Variants in SHTN1 observed in about 807,000 individuals in gnomAD.
SHTN1 encodes the protein shootin-1.
A neutral mutation model predicts 83.1 loss-of-function variants in SHTN1; 42 were observed. That is an observed-to-expected ratio of 0.51 (90% CI 0.39 to 0.65). SHTN1 has a LOEUF of 0.65. Ranked by LOEUF, SHTN1 falls within the 30% of genes least tolerant of loss-of-function variation. The pLI, the probability that SHTN1 is intolerant of heterozygous loss-of-function variation, is 0.00. For missense variants in SHTN1, 622 were observed against 737.8 expected (o/e 0.84, Z 1.82); for synonymous variants, 224 against 247.7 (o/e 0.90, Z 0.90).
At chr10:117,087,564 A>G (rs962324814) in intron 1 of SHTN1, among the ~76,000 whole-genome samples, 3 of 152,258 alleles carry the variant, frequency 2.0e-5, no homozygotes, top group Non-Finnish European at 2.9e-5. Context: ...TCTATTTCAT[A>G]TCATACATAG....
At chr10:117,062,849 T>C (rs1467583250) in intron 1 of SHTN1, among the ~76,000 whole-genome samples, 1 of 152,130 alleles carries the variant, frequency 6.6e-6, no homozygotes, top group African/African-American at 2.4e-5. Flanking sequence ...TTTAGAATTA[T>C]TTCTTCATTC....
intron 1 of SHTN1, among the ~76,000 whole-genome samples, chr10:116,998,049 G>C (rs1851687983): frequency 6.6e-6 from 1 of 152,120 alleles, no homozygotes; most frequent in Non-Finnish European, 1.5e-5. Context: ...CAGAGCTCAT[G>C]CCTCGGCACT....
At chr10:116,963,056 T>G (rs1408962407) in intron 3 of SHTN1, among the ~76,000 whole-genome samples, 1 of 53,900 alleles carries the variant, frequency 1.9e-5, no homozygotes, top group Admixed American at 1.9e-4. Context: ...TTTTTTTTTT[T>G]TTTTTTTTTT....
intron 4 of SHTN1, among the ~76,000 whole-genome samples, 197 bp downstream of exon 4, chr10:116,959,939 T>C (rs1404243145): frequency 2.0e-5 from 3 of 152,198 alleles, no homozygotes; most frequent in Non-Finnish European, 4.4e-5. Flanking sequence ...CTTTTACAAT[T>C]TGGAATAACC....
intron 2 of SHTN1, among the ~76,000 whole-genome samples, chr10:117,013,198 TG>T (rs1232923991): frequency 1.3e-5 from 2 of 152,190 alleles, no homozygotes; most frequent in Non-Finnish European, 2.9e-5. Flanking sequence ...TTTTTGAGAC[TG>T]AGTCTTGCTC....
intron 1 of SHTN1, among the ~76,000 whole-genome samples, chr10:116,999,266 T>C (rs750879099): frequency 6.6e-6 from 1 of 152,112 alleles, no homozygotes; most frequent in Non-Finnish European, 1.5e-5. Flanking sequence ...TGTACTAATA[T>C]AAAAAATTAC....
rs1850134206 is a variant in SHTN1, at chr10:116,960,160, T to C, written c.243A>G (p.Glu81=). ...NHLEIEKTCR[E]SAEALATKLN... is the part of the protein sequence containing the mutation. The stretch of plus-strand genomic sequence containing the variant: ...CCTTTGTTGCCAAAGCTTCAGCACT[T>C]TCTCGACAAGTCTTCTCTATTTCAA... Residue 81 remains glutamate, a synonymous_variant, in exon 4 of 17, where the codon GAA becomes GAG. Coordinates refer to ENST00000355371, the MANE Select transcript of SHTN1 (RefSeq NM_001127211.3). 1 of 1,609,738 alleles carries C rather than the reference T, an allele frequency of 6.2e-7. No homozygotes were observed. Among genetic ancestry groups the C allele is most frequent in the Non-Finnish European group, 8.5e-7 (1 of 1,176,430 alleles).
intron 2 of SHTN1, among the ~76,000 whole-genome samples, chr10:116,975,412 T>C (rs1432686781): frequency 6.6e-6 from 1 of 152,028 alleles, no homozygotes; most frequent in African/African-American, 2.4e-5. Context: ...CTTGTCTTTT[T>C]GTTCTTTGTC....
At chr10:116,935,026 CTT>C (rs1303691764) in intron 9 of SHTN1, among the ~76,000 whole-genome samples, 2 of 152,178 alleles carry the variant, frequency 1.3e-5, no homozygotes, top group African/African-American at 4.8e-5. Context: ...TATCCTGAGA[CTT>C]TGCTGAAGTT....
chr10:117,029,844 T>C (rs75347980), intron 2 of SHTN1, among the ~76,000 whole-genome samples: 21 of 148,202 alleles, frequency 1.4e-4, no homozygotes, highest in Admixed American at 1.2e-3. Context: ...CTTTCTTTCT[T>C]TCTCTCTCTC....
intron 1 of SHTN1, among the ~76,000 whole-genome samples, chr10:117,057,331 ACATATTC>A (rs1321228148): frequency 2.0e-5 from 3 of 152,188 alleles, no homozygotes; most frequent in African/African-American, 7.2e-5. Flanking sequence ...GCAGCTGTAC[ACATATTC>A]CAGGAGCAGC....
chr10:116,886,072 CCTT>C lies in SHTN1; in HGVS notation c.*269_*271del. On this transcript the variant is annotated 3_prime_UTR_variant, in exon 17 of 17. Transcript: ENST00000355371. Reference sequence around the variant, plus strand: ...TATCAACATCTGAATTTTTTTGTAACCTTCTAAAAGAAGTCATACTTAATACAG... The same window carrying C: ...TATCAACATCTGAATTTTTTTGTAACCTAAAAGAAGTCATACTTAATACAG... The C allele has an allele frequency of 2.4e-6, 1 of 420,248 alleles. No individual in the cohort carries two copies. Among genetic ancestry groups the C allele is most frequent in the Non-Finnish European group, 4.2e-6 (1 of 239,376 alleles). 26.0% of individuals were successfully genotyped at this position (420,248 alleles called of 1,614,324 possible).
At chr10:116,896,409 T>A (rs3740581) in intron 16 of SHTN1, among the ~76,000 whole-genome samples, 4 of 152,194 alleles carry the variant, frequency 2.6e-5, no homozygotes, top group Non-Finnish European at 2.9e-5. Context: ...CTAGTCAACC[T>A]AGCTGGGGTG....
chr10:117,056,882 T>C (rs1257720984), intron 1 of SHTN1, among the ~76,000 whole-genome samples: 1 of 152,106 alleles, frequency 6.6e-6, no homozygotes, highest in African/African-American at 2.4e-5. Context: ...ACAGAGTAAC[T>C]TTCTCAAGTT....
intron 16 of SHTN1, among the ~76,000 whole-genome samples, chr10:116,889,441 C>A (rs906328759): frequency 1.3e-5 from 2 of 152,176 alleles, no homozygotes; most frequent in African/African-American, 4.8e-5. Flanking sequence ...GCGCAGTGGG[C>A]ATTTTCTGAA....
chr10:116,929,019 A>T (rs571110309), intron 10 of SHTN1, among the ~76,000 whole-genome samples: 2 of 152,300 alleles, frequency 1.3e-5, no homozygotes, highest in East Asian at 3.9e-4. Context: ...AATACTTCTT[A>T]ATTTTGGATC....
chr10:116,884,315 C>A lies in SHTN1; in HGVS notation c.*2029G>T. The A allele has an allele frequency of 2.2e-6, 1 of 451,854 alleles. No individual in the cohort carries two copies. The highest frequency in any genetic ancestry group is 4.5e-6 in the Non-Finnish European group (1 of 222,784). 28.0% of individuals were successfully genotyped at this position (451,854 alleles called of 1,614,324 possible). A position where few individuals can be genotyped will look rare whatever the true frequency, so the allele number is the denominator to read the frequency against. On this transcript the variant is annotated 3_prime_UTR_variant, in exon 17 of 17. Coordinates refer to ENST00000355371, the MANE Select transcript of SHTN1 (RefSeq NM_001127211.3). ...CAAAACCAAAGTGAAAAGGGAAAAA[C>A]TGTAGGCAGAAAAAGGTGAGTGAAT...
intron 2 of SHTN1, among the ~76,000 whole-genome samples, chr10:116,976,424 G>T (rs914020861): frequency 1.3e-5 from 2 of 152,098 alleles, no homozygotes; most frequent in African/African-American, 2.4e-5. Flanking sequence ...AAAATACCTT[G>T]CAATTTATTT....
In SHTN1 at chr10:116,932,200, G is replaced by A. The variant is rs192403291; in HGVS notation, c.859-2198C>T. Among the ~76,000 whole-genome samples the A allele has an allele frequency of 3.4e-3, 510 of 152,238 alleles. 2 individuals carry two copies. The highest frequency in any genetic ancestry group is 0.011 in the African/African-American group (477 of 41,528). On this transcript the variant is annotated intron_variant, in intron 9 of 16. Transcript: ENST00000355371. The stretch of plus-strand genomic sequence containing the variant: ...ATGCGAGTAAATAACTGATACTCTA[G>A]AGCAGGGTTCCCCAACCCCCAGGTC...
Sources: allele counts gnomAD v4.1 joint callset (sites outside exome capture counted in the v4.1 genomes callset), GRCh38; gene constraint gnomAD v4.1.1; transcripts MANE v1.5; gene names NCBI Gene and HGNC (gene_info 2026-07-23, HGNC 2026-07-21).